The following ERBB4 variants were observed in gnomAD, a reference collection of about 807,000 sequenced individuals.
ERBB4 encodes the protein receptor tyrosine-protein kinase erbB-4.
A neutral mutation model predicts 158.0 loss-of-function variants in ERBB4; 42 were observed. That is an observed-to-expected ratio of 0.27 (90% CI 0.21 to 0.34). The LOEUF is 0.34. Ranked by LOEUF, ERBB4 falls within the 10% of genes least tolerant of loss-of-function variation. The pLI, the probability that ERBB4 is intolerant of heterozygous loss-of-function variation, is 1.00. For missense variants in ERBB4, 1,333 were observed against 1,624.1 expected, an observed-to-expected ratio of 0.82 and a Z score of 3.08; for synonymous variants, 583 against 558.7, an observed-to-expected ratio of 1.04 and a Z score of -0.61.
chr2:211,549,665 G>A (rs2067029634), intron 20 of ERBB4, among the ~76,000 whole-genome samples: 1 of 152,126 alleles, frequency 6.6e-6, no homozygotes, highest in Non-Finnish European at 1.5e-5. Context: ...AAATCCCAGA[G>A]TCACCCAGCA....
intron 1 of ERBB4, among the ~76,000 whole-genome samples, chr2:212,197,019 G>A (rs549448182): frequency 7.2e-5 from 11 of 151,876 alleles, no homozygotes; most frequent in East Asian, 1.9e-4. Flanking sequence ...TTTTTCTTTC[G>A]TTTTAAATAA....
At chr2:211,496,175 T>C (rs2065463921) in intron 20 of ERBB4, among the ~76,000 whole-genome samples, 1 of 152,068 alleles carries the variant, frequency 6.6e-6, no homozygotes, top group Admixed American at 6.5e-5. Context: ...CTTCCTAATT[T>C]TGAGTATTTG....
chr2:212,135,800 G>A (rs920469250), intron 1 of ERBB4, among the ~76,000 whole-genome samples: 2 of 152,080 alleles, frequency 1.3e-5, no homozygotes, highest in African/African-American at 4.8e-5. Flanking sequence ...TAACTTTAAT[G>A]TAGGCACTGG....
At chr2:211,429,364 G>A (rs1031551333) in intron 21 of ERBB4, among the ~76,000 whole-genome samples, 1 of 151,910 alleles carries the variant, frequency 6.6e-6, no homozygotes, top group Non-Finnish European at 1.5e-5. Context: ...GCCTTGCTTT[G>A]TTTTCCAGCT....
intron 2 of ERBB4, among the ~76,000 whole-genome samples, chr2:211,988,655 G>T (rs1256639870): frequency 1.3e-5 from 2 of 151,962 alleles, no homozygotes; most frequent in Non-Finnish European, 2.9e-5. Flanking sequence ...TCACTCCAGT[G>T]AGCCCAGTTA....
intron 20 of ERBB4, among the ~76,000 whole-genome samples, chr2:211,507,608 C>G (rs1171178162): frequency 6.6e-6 from 1 of 152,098 alleles, no homozygotes; most frequent in Non-Finnish European, 1.5e-5. Context: ...CTACAGCCAT[C>G]TGATCTCTGA....
chr2:211,949,373 A>C (rs2080810058), intron 2 of ERBB4, among the ~76,000 whole-genome samples: 1 of 152,234 alleles, frequency 6.6e-6, no homozygotes. Flanking sequence ...CATTCAGTGC[A>C]ATAACCACTA....
At chr2:211,739,854 T>C (rs941767877) in intron 5 of ERBB4, among the ~76,000 whole-genome samples, 1 of 152,146 alleles carries the variant, frequency 6.6e-6, no homozygotes, top group African/African-American at 2.4e-5. Flanking sequence ...GTTAAAAATA[T>C]AGCTTAATTT....
chr2:211,418,460 T>C (rs937323553), intron 25 of ERBB4, among the ~76,000 whole-genome samples: 63 of 152,252 alleles, frequency 4.1e-4, no homozygotes, highest in African/African-American at 1.5e-3. Context: ...AATCTACAGG[T>C]AACATTGTTT....
intron 3 of ERBB4, among the ~76,000 whole-genome samples, chr2:211,791,217 A>G (rs2076272908): frequency 6.6e-6 from 1 of 151,930 alleles, no homozygotes; most frequent in Non-Finnish European, 1.5e-5. Context: ...TTTTTTAGAT[A>G]AGAAAGAGGG....
At chr2:212,478,666 G>A (rs1689530897) in intron 1 of ERBB4, among the ~76,000 whole-genome samples, 1 of 151,948 alleles carries the variant, frequency 6.6e-6, no homozygotes, top group Non-Finnish European at 1.5e-5. Context: ...CAGTTCCAAT[G>A]GGCCTGACCA....
At chr2:211,469,244 A>C (rs1423328485) in intron 20 of ERBB4, among the ~76,000 whole-genome samples, 1 of 152,202 alleles carries the variant, frequency 6.6e-6, no homozygotes, top group Non-Finnish European at 1.5e-5. Flanking sequence ...CAGTTAGCTC[A>C]GAGGCCATAT....
chr2:211,729,124 G>T (rs2106145870), intron 5 of ERBB4, among the ~76,000 whole-genome samples: 1 of 151,642 alleles, frequency 6.6e-6, no homozygotes, highest in Non-Finnish European at 1.5e-5. Flanking sequence ...TAAAATTTTT[G>T]AAAATAGCAA....
chr2:211,978,131 C>T (rs963639569), intron 2 of ERBB4, among the ~76,000 whole-genome samples: 1 of 151,684 alleles, frequency 6.6e-6, no homozygotes, highest in Non-Finnish European at 1.5e-5. Context: ...GGTCCCTGGG[C>T]ACCAGAATAC....
chr2:211,967,922 T>C (rs922048971), intron 2 of ERBB4, among the ~76,000 whole-genome samples: 2 of 151,944 alleles, frequency 1.3e-5, no homozygotes, highest in Non-Finnish European at 2.9e-5. Flanking sequence ...GATTATGTCT[T>C]TTCTCTGTGG....
chr2:211,705,492 C>T (rs2073405120), intron 9 of ERBB4, 101 bp from the exon 10 acceptor site: 2 of 820,688 alleles, frequency 2.4e-6, no homozygotes, highest in South Asian at 1.4e-5. Context: ...TTTTAATTAG[C>T]AGTAGGGGTG....
At chr2:212,353,984 C>G (rs1056796834) in intron 1 of ERBB4, among the ~76,000 whole-genome samples, 2 of 152,114 alleles carry the variant, frequency 1.3e-5, no homozygotes, top group Non-Finnish European at 2.9e-5. Flanking sequence ...AGAAGAGTAG[C>G]TGACCTATAC....
intron 20 of ERBB4, among the ~76,000 whole-genome samples, chr2:211,445,299 T>A (rs187720268): frequency 8.5e-5 from 13 of 152,262 alleles, no homozygotes; most frequent in African/African-American, 3.1e-4. Flanking sequence ...AGCAATGGTT[T>A]AGTGTTTGAC....
intron 3 of ERBB4, among the ~76,000 whole-genome samples, chr2:211,911,658 C>T (rs754083817): frequency 6.6e-6 from 1 of 151,978 alleles, no homozygotes; most frequent in Non-Finnish European, 1.5e-5. Context: ...GTAAAATCAA[C>T]ATAAGAAATA....
Sources: allele counts gnomAD v4.1 joint callset (sites outside exome capture counted in the v4.1 genomes callset), GRCh38; gene constraint gnomAD v4.1.1; transcripts MANE v1.5; gene names NCBI Gene and HGNC (gene_info 2026-07-23, HGNC 2026-07-21).